The following MOXD1 variants were observed in gnomAD, a reference collection of about 807,000 sequenced individuals.
The protein encoded by MOXD1 is DBH-like monooxygenase protein 1.
Under a neutral mutation model 66.6 loss-of-function variants are expected in MOXD1, and 62 were observed. The ratio of observed to expected loss-of-function variants is 0.93; its 90% CI spans 0.76 to 1.15. MOXD1 has a LOEUF of 1.15. MOXD1 is among the 50% of genes most tolerant of loss of function. The probability of loss-of-function intolerance (pLI) is 0.00; values close to 1 mark genes in which losing one functional copy is unlikely to be tolerated. For synonymous variants in MOXD1, 303 were observed against 281.9 expected, an observed-to-expected ratio of 1.07 and a Z score of -0.75; for missense variants, 847 against 754.6, an observed-to-expected ratio of 1.12 and a Z score of -1.44.
chr6:132,373,506 AAAATAT>A (rs1776311708), intron 2 of MOXD1, among the ~76,000 whole-genome samples: 1 of 152,254 alleles, frequency 6.6e-6, no homozygotes, highest in African/African-American at 2.4e-5. Flanking sequence ...ACATTTACAG[AAAATAT>A]AAATATAGAA....
chr6:132,379,460 C>T (rs1385294646), intron 1 of MOXD1, among the ~76,000 whole-genome samples: 1 of 152,154 alleles, frequency 6.6e-6, no homozygotes, highest in Non-Finnish European at 1.5e-5. Context: ...GGAAACAAAG[C>T]AAGGCACATT....
chr6:132,391,604 T>A (rs1776765632), intron 1 of MOXD1: 1 of 152,180 alleles, frequency 6.6e-6, no homozygotes. Flanking sequence ...TACGTATGGA[T>A]CAAATACTTC....
intron 10 of MOXD1, among the ~76,000 whole-genome samples, chr6:132,307,633 G>T (rs771809295): frequency 7.9e-5 from 12 of 151,968 alleles, no homozygotes; most frequent in Non-Finnish European, 1.5e-4. Flanking sequence ...AACACTTCTC[G>T]GCAAATGCAA....
At chr6:132,386,428 C>CAA (rs59649740) in intron 1 of MOXD1, among the ~76,000 whole-genome samples, 5 of 86,008 alleles carry the variant, frequency 5.8e-5, no homozygotes, top group East Asian at 2.6e-4. Flanking sequence ...CAAAACAAAA[C>CAA]AAAACAAAAA....
chr6:132,339,288 T>C (rs1775501683), intron 4 of MOXD1, among the ~76,000 whole-genome samples: 1 of 152,106 alleles, frequency 6.6e-6, no homozygotes, highest in Non-Finnish European at 1.5e-5. Flanking sequence ...GTATAAATTT[T>C]CCTTATCACT....
At chr6:132,349,901 G>A (rs923049682) in intron 4 of MOXD1, among the ~76,000 whole-genome samples, 2 of 152,106 alleles carry the variant, frequency 1.3e-5, no homozygotes, top group Non-Finnish European at 2.9e-5. Flanking sequence ...TCAAATGCTT[G>A]TTGGCTATTT....
intron 1 of MOXD1, among the ~76,000 whole-genome samples, chr6:132,380,976 A>G (rs780711066): frequency 6.6e-6 from 1 of 152,208 alleles, no homozygotes; most frequent in Non-Finnish European, 1.5e-5. Flanking sequence ...TATACATGCA[A>G]CAACTATTTT....
chr6:132,328,698 G>T (rs1775247253), intron 4 of MOXD1, 104 bp from the exon 5 acceptor site: 3 of 1,086,316 alleles, frequency 2.8e-6, no homozygotes, highest in East Asian at 2.6e-5. Context: ...TTTCTCAAAG[G>T]GATATTCTTC....
intron 4 of MOXD1, among the ~76,000 whole-genome samples, chr6:132,359,676 C>T (rs1049821971): frequency 6.6e-6 from 1 of 151,474 alleles, no homozygotes; most frequent in Non-Finnish European, 1.5e-5. Flanking sequence ...TTAGTAGAGG[C>T]GGGGTTTCAC....
At chr6:132,322,062 T>C (rs1371002863) in intron 8 of MOXD1, among the ~76,000 whole-genome samples, 1 of 152,154 alleles carries the variant, frequency 6.6e-6, no homozygotes, top group African/African-American at 2.4e-5. Flanking sequence ...AAAAGTAAAA[T>C]AAGGGTAGAA....
rs562122157 is a variant in MOXD1 at position 132,340,837 on chromosome 6, G to A, written c.664-12243C>T. On this transcript the variant is annotated intron_variant, in intron 4 of 11. Transcript: ENST00000367963. ...AATTTTTTGTATTTTTAGTAGAGAC[G>A]GGGTTTCATCGTGTTAGCCAGAATG... Among the ~76,000 whole-genome samples the A allele has an allele frequency of 3.9e-3, 597 of 151,776 alleles. 5 individuals carry two copies. The highest frequency in any genetic ancestry group is 0.024 in the Middle Eastern group (7 of 294).
At chr6:132,370,549 C>T (rs555506307) in intron 4 of MOXD1, among the ~76,000 whole-genome samples, 1 of 152,082 alleles carries the variant, frequency 6.6e-6, no homozygotes, top group South Asian at 2.1e-4. Context: ...AGGAATCTAT[C>T]CTATAAGTGG....
In MOXD1 at chr6:132,397,684, A is replaced by AAG. The variant is rs1318381756; in HGVS notation, c.264+3477_264+3478dup. ...AAAGAAAGAAAGAAAGAAAGAAAGAAAGAAAGAAAGAAAGAAAAAGAAAGA... is the reference window on the plus strand; with the variant it reads ...AAAGAAAGAAAGAAAGAAAGAAAGAAAGAGAAAGAAAGAAAGAAAAAGAAAGA... On this transcript the variant is annotated intron_variant, in intron 1 of 11. Transcript: ENST00000367963. 2.2e-3 allele frequency among the ~76,000 whole-genome samples: 302 copies of AAG among 134,686 alleles called. 1 individual carries two copies. The highest frequency in any genetic ancestry group is 8.1e-3 in the African/African-American group (296 of 36,330). The allele number at this position is 134,686 out of a possible 152,430, so 88.4% of individuals were successfully genotyped here.
In MOXD1 at chr6:132,388,850, C is replaced by G. The variant is rs1309587922; in HGVS notation, c.264+12313G>C. 2.6e-5 allele frequency among the ~76,000 whole-genome samples: 4 copies of G among 151,308 alleles called. 1 individual carries two copies. Among genetic ancestry groups the G allele is most frequent in the Non-Finnish European group, 5.9e-5 (4 of 67,686 alleles). ...TTTGACGCCCTGTGACCACACACAA[C>G]TGTTAAATTTTAAACTCTGTGTGTG... On this transcript the variant is annotated intron_variant, in intron 1 of 11. Transcript: ENST00000367963.
chr6:132,367,136 C>T (rs1232695607), intron 4 of MOXD1, among the ~76,000 whole-genome samples: 1 of 151,986 alleles, frequency 6.6e-6, no homozygotes, highest in African/African-American at 2.4e-5. Context: ...TCACATTTCT[C>T]CAAAGCTGAA....
intron 1 of MOXD1, among the ~76,000 whole-genome samples, chr6:132,375,589 C>G (rs1272914843): frequency 6.6e-6 from 1 of 152,114 alleles, no homozygotes; most frequent in Non-Finnish European, 1.5e-5. Flanking sequence ...CCACGCCTGG[C>G]TAATGCATTT....
intron 1 of MOXD1, among the ~76,000 whole-genome samples, chr6:132,393,468 G>C (rs768534613): frequency 1.3e-5 from 2 of 152,194 alleles, no homozygotes; most frequent in Non-Finnish European, 2.9e-5. Flanking sequence ...CTGGGAGCCC[G>C]GAGAGGCTCC....
chr6:132,336,132 C>T (rs1306311368), intron 4 of MOXD1, among the ~76,000 whole-genome samples: 1 of 152,188 alleles, frequency 6.6e-6, no homozygotes, highest in Non-Finnish European at 1.5e-5. Context: ...TCTTCAAAAA[C>T]AACTTGCAAC....
At position 132,315,705 on chromosome 6, in the gene MOXD1, A is replaced by G; in HGVS notation, c.1438T>C (p.Cys480Arg). The G allele has an allele frequency of 6.2e-7, 1 of 1,613,484 alleles. No homozygotes were observed. The highest frequency in any genetic ancestry group is 1.1e-5 in the South Asian group (1 of 91,056). ...TCCATAATGTCTGGAATACTTGCACATCGAGTAAGATTAATTCTTGGGTAA... is the reference window on the plus strand; with the variant it reads ...TCCATAATGTCTGGAATACTTGCACGTCGAGTAAGATTAATTCTTGGGTAA... ...LYYPRINLTRCASIPDIMEQL... is the reference protein window; with the variant it reads ...LYYPRINLTRRASIPDIMEQL... The change falls in exon 10 of 12, where the codon TGT becomes CGT. Residue 480 changes from cysteine (C) to arginine (R), a missense_variant. Cys to Arg is a radical substitution (Grantham distance 180). Transcript: ENST00000367963.
Sources: allele counts gnomAD v4.1 joint callset (sites outside exome capture counted in the v4.1 genomes callset), GRCh38; gene constraint gnomAD v4.1.1; transcripts MANE v1.5; gene names NCBI Gene and HGNC (gene_info 2026-07-23, HGNC 2026-07-21).